NGEF: variants seen among roughly 807,000 people sequenced by gnomAD.
NGEF encodes the protein ephexin-1.
A neutral mutation model predicts 80.9 loss-of-function variants in NGEF; 31 were observed. The ratio of observed to expected loss-of-function variants is 0.38; its 90% confidence interval spans 0.29 to 0.52. The LOEUF (loss-of-function observed/expected upper bound fraction) is 0.52. Among genes scored for constraint, NGEF ranks in the 20% least tolerant of loss-of-function variants. The pLI is 0.84. For synonymous variants in NGEF, 371 were observed against 370.2 expected (o/e 1.00, Z -0.03); for missense variants, 709 against 926.2 (o/e 0.77, Z 3.04).
intron 1 of NGEF, among the ~76,000 whole-genome samples, chr2:232,999,064 T>A (rs1351332901): frequency 6.6e-6 from 1 of 152,028 alleles, no homozygotes; most frequent in Non-Finnish European, 1.5e-5. Context: ...ACATCCCCCA[T>A]CTTTCCAAAC....
chr2:232,997,630 C>T (rs1428499361), intron 1 of NGEF, among the ~76,000 whole-genome samples: 2 of 152,066 alleles, frequency 1.3e-5, no homozygotes. Context: ...CCCACATTCT[C>T]CCTCTTCTCT....
At chr2:232,888,435 C>A (rs989472780) in intron 8 of NGEF, among the ~76,000 whole-genome samples, 2 of 151,360 alleles carry the variant, frequency 1.3e-5, no homozygotes, top group African/African-American at 2.4e-5. Flanking sequence ...CATACATGCT[C>A]ACACATGCAC....
At chr2:232,967,123 G>A (rs891578410) in intron 3 of NGEF, among the ~76,000 whole-genome samples, 3 of 152,020 alleles carry the variant, frequency 2.0e-5, no homozygotes, top group Admixed American at 6.6e-5. Context: ...TGCTGTCTTC[G>A]TGATAGTGAG....
chr2:232,926,666 C>T (rs1436933987), intron 4 of NGEF, among the ~76,000 whole-genome samples: 1 of 152,190 alleles, frequency 6.6e-6, no homozygotes, highest in African/African-American at 2.4e-5. Context: ...GCCGGTTTGG[C>T]TTCCAGGTCT....
intron 14 of NGEF, among the ~76,000 whole-genome samples, chr2:232,880,103 G>A (rs914629099): frequency 2.0e-5 from 3 of 152,150 alleles, no homozygotes; most frequent in Non-Finnish European, 2.9e-5. Context: ...GGTGGCAGCC[G>A]AGCATGTGGT....
intron 8 of NGEF, among the ~76,000 whole-genome samples, chr2:232,888,859 C>T (rs1216458933): frequency 6.6e-6 from 1 of 152,246 alleles, no homozygotes; most frequent in Non-Finnish European, 1.5e-5. Context: ...AAATTATGCC[C>T]ATACTGCTTT....
chr2:232,921,571 C>T (rs1044689092), intron 4 of NGEF, among the ~76,000 whole-genome samples: 4 of 152,084 alleles, frequency 2.6e-5, no homozygotes, highest in Admixed American at 2.0e-4. Flanking sequence ...CCTGCCTCAG[C>T]TTCCTGAGTG....
chr2:232,892,089 T>C lies in NGEF; in HGVS notation c.1143-602A>G, dbSNP rs540707544. 1.1e-4 allele frequency among the ~76,000 whole-genome samples: 17 copies of C among 152,196 alleles called. No homozygotes were observed. Among genetic ancestry groups the C allele is most frequent in the Admixed American group, 5.2e-4 (8 of 15,290 alleles). ...GCCACAGCGGCAGGCTCTTGGGTGC[T>C]GTGAATGATTCCTAATCTGCCACAT... is the stretch of plus-strand genomic sequence containing the variant. On this transcript the variant is annotated intron_variant, in intron 7 of 14. Coordinates refer to ENST00000264051, the MANE Select transcript of NGEF (RefSeq NM_019850.3). This position sits in a 1 kb window ranked among gnomAD's most constrained non-coding sequence, Gnocchi z 4.0.
intron 3 of NGEF, among the ~76,000 whole-genome samples, chr2:232,965,885 G>T (rs1259454246): frequency 6.6e-6 from 1 of 151,930 alleles, no homozygotes; most frequent in Non-Finnish European, 1.5e-5. Flanking sequence ...CAGGTTCATG[G>T]GCAAGCTGGA....
chr2:232,934,892 C>T (rs1397720592), intron 3 of NGEF, among the ~76,000 whole-genome samples: 1 of 151,812 alleles, frequency 6.6e-6, no homozygotes, highest in Non-Finnish European at 1.5e-5. Flanking sequence ...CCTGCAGTTC[C>T]AGCTACTCAG....
At position 232,885,089 on chromosome 2, in the gene NGEF, G is replaced by A. The variant is rs1159716473; in HGVS notation, c.1437+191C>T. On this transcript the variant is annotated intron_variant, in intron 10 of 14. Transcript: ENST00000264051. ...TCCCAGGAGACAGATCCGGACCACCGTGGTGGTGTCTGACGCCTGGTGGCA... is the reference window on the plus strand; with the variant it reads ...TCCCAGGAGACAGATCCGGACCACCATGGTGGTGTCTGACGCCTGGTGGCA... 16 of 593,052 alleles carry A rather than the reference G, an allele frequency of 2.7e-5. No homozygotes were observed. In the East Asian group the frequency reaches 3.4e-4, roughly 13 times the overall value. 36.7% of individuals were successfully genotyped at this position (593,052 alleles called of 1,614,324 possible).
At chr2:232,977,050 C>T (rs1276250917) in intron 1 of NGEF, among the ~76,000 whole-genome samples, 2 of 152,266 alleles carry the variant, frequency 1.3e-5, no homozygotes, top group East Asian at 3.9e-4. Flanking sequence ...TGGCAAAGAA[C>T]CCACAGCTCC....
chr2:232,974,644 G>C lies in NGEF; in HGVS notation c.247C>G (p.Arg83Gly), dbSNP rs182107541. ...TGACCTGCCAGGCAGCTGGCGTTCC[G>C]TTCGGGGTTGTCTCTGGCCTTGGCT... is the stretch of plus-strand genomic sequence containing the variant. ...SKAKARDNPE[R>G]NASCLADSQD... Residue 83 changes from arginine (R) to glycine (G), a missense_variant, in exon 2 of 15, where the codon CGG becomes GGG. Arg to Gly is a moderately radical substitution (Grantham distance 125, BLOSUM62 -2). Transcript: ENST00000264051. The C allele has an allele frequency of 1.9e-6, 3 of 1,614,184 alleles. No homozygotes were observed. The highest frequency in any genetic ancestry group is 4.5e-5 in the East Asian group (2 of 44,886).
rs1260170082 is a variant in NGEF, at chr2:232,892,508, C to A, written c.1142+390G>T. On this transcript the variant is annotated intron_variant, in intron 7 of 14. Coordinates refer to ENST00000264051, the MANE Select transcript of NGEF (RefSeq NM_019850.3). This position sits in a 1 kb window ranked among gnomAD's most constrained non-coding sequence, Gnocchi z 4.0. ...GAGCCCCACCGAGGCTCCTTCCCAT[C>A]CTGTCCCTGCCCTTGTCGCTAGTTC... Among the ~76,000 whole-genome samples, 1 of 152,214 alleles carries A rather than the reference C, an allele frequency of 6.6e-6. No individual in the cohort carries two copies. The highest frequency in any genetic ancestry group is 1.5e-5 in the Non-Finnish European group (1 of 68,044).
intron 1 of NGEF, among the ~76,000 whole-genome samples, chr2:232,980,441 G>A (rs1027429542): frequency 1.3e-5 from 2 of 152,124 alleles, no homozygotes; most frequent in Non-Finnish European, 2.9e-5. Context: ...CGGGGCTCTC[G>A]TTAAATCACA....
Position 233,002,345 on chromosome 2 carries a change from A to T in NGEF, c.-75+10723T>A, listed in dbSNP as rs145294901. On this transcript the variant is annotated intron_variant, in intron 1 of 14. Coordinates refer to ENST00000264051, the MANE Select transcript of NGEF (RefSeq NM_019850.3). ...AATTTAATTTAAAGGCAATCTGTAG[A>T]AAATATTAATAAGACAGGCAGTACA... Among the ~76,000 whole-genome samples, 434 of 152,324 alleles carry T rather than the reference A, an allele frequency of 2.8e-3. 4 individuals are homozygous for T. The highest frequency in any genetic ancestry group is 9.2e-3 in the African/African-American group (381 of 41,570).
rs367737361 is a variant in NGEF at position 233,008,998 on chromosome 2, TG to T, written c.-75+4069del. Reference sequence around the variant, plus strand: ...ATTTAGTAGAGACAGGGTTTTGCCATGTTGGCCAGGCTGGTCTTGAACTCCT... The same window carrying T: ...ATTTAGTAGAGACAGGGTTTTGCCATTTGGCCAGGCTGGTCTTGAACTCCT... On this transcript the variant is annotated intron_variant, in intron 1 of 14. Coordinates refer to ENST00000264051, the MANE Select transcript of NGEF (RefSeq NM_019850.3). Among the ~76,000 whole-genome samples, 83 of 152,272 alleles carry T rather than the reference TG, an allele frequency of 5.5e-4. 1 individual carries two copies. In the East Asian group the frequency reaches 0.014, roughly 26 times the overall value.
chr2:232,891,017 G>A (rs1233231095), intron 8 of NGEF: 7 of 490,880 alleles, frequency 1.4e-5, no homozygotes, highest in Non-Finnish European at 2.5e-5. Flanking sequence ...GCTCCTCCCT[G>A]TCAGCCAGGT....
At chr2:232,938,927 T>C (rs1409243933) in intron 3 of NGEF, among the ~76,000 whole-genome samples, 1 of 151,932 alleles carries the variant, frequency 6.6e-6, no homozygotes, top group Non-Finnish European at 1.5e-5. Context: ...ATGCCTGTAA[T>C]CCCAGCACTT....
Sources: gnomAD v4.1 joint callset for allele counts (sites outside exome capture counted in the v4.1 genomes callset) on GRCh38, gnomAD v4.1.1 for gene constraint, Gnocchi (gnomAD v3.1) non-coding constraint, MANE v1.5 for transcripts, NCBI Gene and HGNC (gene_info 2026-07-23, HGNC 2026-07-21) for gene names.